PRODH2: variants seen among roughly 807,000 people sequenced by gnomAD.
PRODH2 encodes the protein hydroxyproline dehydrogenase.
Under a neutral mutation model 51.9 loss-of-function variants are expected in PRODH2, and 49 were observed. The ratio of observed to expected loss-of-function variants is 0.94; its 90% CI spans 0.75 to 1.20. PRODH2 has a LOEUF of 1.20. Among genes scored for constraint, PRODH2 ranks in the 50% most tolerant of loss-of-function variants. The probability of loss-of-function intolerance (pLI) is 0.00; values close to 1 mark genes in which losing one functional copy is unlikely to be tolerated. For missense variants in PRODH2, 597 were observed against 610.9 expected, an observed-to-expected ratio of 0.98 and a Z score of 0.24; for synonymous variants, 249 against 260.7, an observed-to-expected ratio of 0.96 and a Z score of 0.43.
At chr19:35,809,899 C>G (rs1008694787) in intron 4 of PRODH2, among the ~76,000 whole-genome samples, 1 of 129,650 alleles carries the variant, frequency 7.7e-6, no homozygotes, top group Non-Finnish European at 1.5e-5. Context: ...GCGGAGGTTG[C>G]AGTGAGCCGA....
In PRODH2 at chr19:35,800,085, C is replaced by G; in HGVS notation, c.1336G>C (p.Glu446Gln). 1.9e-6 allele frequency: 3 copies of G among 1,612,310 alleles called. No homozygotes were observed. The highest frequency in any genetic ancestry group is 2.2e-5 in the South Asian group (2 of 90,596). Residue 446 changes from glutamate (E) to glutamine (Q), a missense_variant, in exon 10 of 10, where the codon GAA (glutamate) becomes CAA (glutamine). Coordinates refer to ENST00000653904, the MANE Select transcript of PRODH2 (RefSeq NM_021232.2). Reference protein sequence around the residue: ...ARREQELLSQELWRRLLPGCR... With the variant: ...ARREQELLSQQLWRRLLPGCR... ...CCTGGCAGCAGCCGCCGCCACAGTT[C>G]TTGGCTGAGCAGCTCCTGTTCCCTG...
intron 7 of PRODH2, among the ~76,000 whole-genome samples, chr19:35,804,797 A>G (rs1037536983): frequency 6.6e-6 from 1 of 152,278 alleles, no homozygotes; most frequent in South Asian, 2.1e-4. Context: ...TGTGTTGGGT[A>G]TGGTGGTGTG....
chr19:35,802,043 A>G (rs1972439587), intron 9 of PRODH2, 148 bp downstream of exon 9: 1 of 697,738 alleles, frequency 1.4e-6, no homozygotes, highest in South Asian at 1.7e-5. Flanking sequence ...ACACAGAGAC[A>G]CAGCCTTGGA....
Position 35,808,366 on chromosome 19 carries a change from G to A in PRODH2, c.598-1245C>T, listed in dbSNP as rs116667279. 3.7e-3 allele frequency among the ~76,000 whole-genome samples: 565 copies of A among 152,286 alleles called. 4 individuals are homozygous for A. The highest frequency in any genetic ancestry group is 0.013 in the African/African-American group (551 of 41,552). The stretch of plus-strand genomic sequence containing the variant: ...AAGCTTTATTATATCCAACAGGGTC[G>A]ATACAGATGACATAGGCCTGGGCTT... On this transcript the variant is annotated intron_variant, in intron 4 of 9. Coordinates refer to ENST00000653904, the MANE Select transcript of PRODH2 (RefSeq NM_021232.2).
At chr19:35,810,251 T>C (rs193132212) in intron 4 of PRODH2, among the ~76,000 whole-genome samples, 2,716 of 143,468 alleles carry the variant, frequency 0.019, 81 homozygotes, top group African/African-American at 0.062. Context: ...AGAGCAAGAC[T>C]CTGTCTTAAA....
intron 9 of PRODH2, 163 bp downstream of exon 9, chr19:35,802,028 G>C: frequency 1.5e-6 from 1 of 651,162 alleles, no homozygotes. Flanking sequence ...AATGACAGAC[G>C]GCAGACACAG....
Position 35,807,035 on chromosome 19 carries a change from G to T in PRODH2, c.678+6C>A, listed in dbSNP as rs1247680126. 3 of 1,550,300 alleles carry T rather than the reference G, an allele frequency of 1.9e-6. No individual in the cohort carries two copies. Among genetic ancestry groups the T allele is most frequent in the Non-Finnish European group, 2.6e-6 (3 of 1,146,846 alleles). On this transcript the variant is annotated splice_donor_region_variant and intron_variant, in intron 5 of 9. Coordinates refer to ENST00000653904, the MANE Select transcript of PRODH2 (RefSeq NM_021232.2). Reference sequence around the variant, plus strand: ...CGGAGGTGCTGGTTCCAGCAGGAGGGGTTACCTGTGCCACCCGATGCAGGC... The same window carrying T: ...CGGAGGTGCTGGTTCCAGCAGGAGGTGTTACCTGTGCCACCCGATGCAGGC...
chr19:35,811,267 G>A (rs1391632755), intron 4 of PRODH2, among the ~76,000 whole-genome samples: 2 of 151,642 alleles, frequency 1.3e-5, no homozygotes, highest in African/African-American at 2.4e-5. Context: ...TATACAAGAC[G>A]GCAGGCTGGG....
At chr19:35,806,372 C>A in intron 7 of PRODH2, 58 bp downstream of exon 7, 1 of 1,599,858 alleles carries the variant, frequency 6.3e-7, no homozygotes. Context: ...GTATGAGCCA[C>A]TGCACCCAAC....
chr19:35,800,761 C>T (rs1009765980), intron 9 of PRODH2, among the ~76,000 whole-genome samples: 9 of 152,044 alleles, frequency 5.9e-5, no homozygotes, highest in Admixed American at 5.2e-4. Flanking sequence ...GGTGTGATCA[C>T]GACTCACTGC....
chr19:35,802,816 G>A, intron 8 of PRODH2, 152 bp downstream of exon 8: 1 of 538,390 alleles, frequency 1.9e-6, no homozygotes, highest in Non-Finnish European at 3.2e-6. Context: ...CAAAGTGTTG[G>A]GATTATAGGC....
In PRODH2 at chr19:35,806,423, G is replaced by C. The variant is rs759748767; in HGVS notation, c.1001+7C>G. On this transcript the variant is annotated splice_region_variant and intron_variant, in intron 7 of 9. Coordinates refer to ENST00000653904, the MANE Select transcript of PRODH2 (RefSeq NM_021232.2). ...TTTCCTGCAGAGGCCAGCTGGCCCG[G>C]GCCTACCTCTGACTGGTGGCCTCAT... 8 of 1,613,820 alleles carry C rather than the reference G, an allele frequency of 5.0e-6. No homozygotes were observed. Among genetic ancestry groups the C allele is most frequent in the Non-Finnish European group, 5.1e-6 (6 of 1,180,008 alleles).
chr19:35,802,908 G>A, intron 8 of PRODH2, 60 bp downstream of exon 8: 1 of 1,226,570 alleles, frequency 8.2e-7, no homozygotes, highest in South Asian at 1.5e-5. Flanking sequence ...TTGAGCAAAG[G>A]AGAGGAAGGG....
chr19:35,810,849 T>C (rs945675057), intron 4 of PRODH2, among the ~76,000 whole-genome samples: 1 of 152,140 alleles, frequency 6.6e-6, no homozygotes, highest in Non-Finnish European at 1.5e-5. Flanking sequence ...GGGATTTGGA[T>C]TGCTCAAGTG....
chr19:35,804,404 C>G (rs1345475596), intron 7 of PRODH2, among the ~76,000 whole-genome samples: 1 of 152,206 alleles, frequency 6.6e-6, no homozygotes, highest in Non-Finnish European at 1.5e-5. Flanking sequence ...AGTTAAAACC[C>G]TTTGTGCAGA....
chr19:35,809,473 C>T (rs1972567027), intron 4 of PRODH2, among the ~76,000 whole-genome samples: 1 of 152,110 alleles, frequency 6.6e-6, no homozygotes, highest in Non-Finnish European at 1.5e-5. Flanking sequence ...CCAATTTCAG[C>T]CTCCCAAAAT....
rs750147480 is a variant in PRODH2 at position 35,800,241 on chromosome 19, T to C, written c.1199-19A>G. 6.6e-7 allele frequency: 1 copy of C among 1,525,622 alleles called. No homozygotes were observed. The highest frequency in any genetic ancestry group is 8.8e-7 in the Non-Finnish European group (1 of 1,132,488). The allele number at this position is 1,525,622 out of a possible 1,614,324, so 94.5% of individuals were successfully genotyped here. On this transcript the variant is annotated intron_variant, in intron 9 of 9. Transcript: ENST00000653904. The stretch of plus-strand genomic sequence containing the variant: ...GCCTGCCCTGCAGGGAGAGTGGGTT[T>C]TGTTTTTTCGTTTTTGGTGTTTTTC...
chr19:35,812,793 A>G lies in PRODH2; in HGVS notation c.13T>C (p.Cys5Arg). MLRTCYVLCSQAGPP... is the reference protein window; with the variant it reads MLRTRYVLCSQAGPP... ...CCAGCTTGGGAACAGAGCACGTAAC[A>G]GGTCCGGAGCATCCTGGGTCCCTGG... Residue 5 changes from cysteine to arginine, a missense_variant, in exon 1 of 10, where the codon TGT becomes CGT. Coordinates refer to ENST00000653904, the MANE Select transcript of PRODH2 (RefSeq NM_021232.2). The G allele has an allele frequency of 6.3e-7, 1 of 1,594,406 alleles. No individual in the cohort carries two copies. The highest frequency in any genetic ancestry group is 8.6e-7 in the Non-Finnish European group (1 of 1,167,732).
intron 7 of PRODH2, among the ~76,000 whole-genome samples, chr19:35,803,739 A>AC (rs1195672361): frequency 1.3e-5 from 2 of 152,228 alleles, no homozygotes; most frequent in African/African-American, 4.8e-5. Context: ...CATCACTAGC[A>AC]ACAGCCCAAA....
Sources: gnomAD v4.1 joint callset for allele counts (sites outside exome capture counted in the v4.1 genomes callset) on GRCh38, gnomAD v4.1.1 for gene constraint, MANE v1.5 for transcripts, NCBI Gene and HGNC (gene_info 2026-07-23, HGNC 2026-07-21) for gene names.